FNBP1: variants seen among roughly 807,000 people sequenced by gnomAD.
The protein encoded by FNBP1 is formin-binding protein 1.
Under a neutral mutation model 90.6 loss-of-function variants are expected in FNBP1, and 26 were observed. That is an observed-to-expected ratio of 0.29 (90% CI 0.21 to 0.40). The LOEUF (loss-of-function observed/expected upper bound fraction) is 0.40. FNBP1 is among the 10% of genes least tolerant of loss of function. FNBP1 has a pLI of 1.00. For synonymous variants in FNBP1, 260 were observed against 265.2 expected, an observed-to-expected ratio of 0.98 and a Z score of 0.19; for missense variants, 635 against 768.0, an observed-to-expected ratio of 0.83 and a Z score of 2.05.
chr9:129,927,513 A>G (rs1437049479), intron 7 of FNBP1, among the ~76,000 whole-genome samples, 172 bp from the exon 8 acceptor site: 2 of 152,218 alleles, frequency 1.3e-5, no homozygotes, highest in African/African-American at 4.8e-5. Flanking sequence ...CATTTATTTT[A>G]TAAATTGCTA....
chr9:130,053,111 C>T, the FNBP1 span, among the ~76,000 whole-genome samples: 2 of 151,546 alleles, frequency 1.3e-5, no homozygotes, highest in Non-Finnish European at 2.9e-5. Context: ...AGCTAGACTC[C>T]GTCTCAAAAA....
chr9:129,957,536 C>A lies in FNBP1; in HGVS notation c.409-72G>T, dbSNP rs1194132502. On this transcript the variant is annotated intron_variant, in intron 5 of 16. Transcript: ENST00000446176. This position sits in a 1 kb window ranked among gnomAD's most constrained non-coding sequence, Gnocchi z 4.3. ...AAGATGTAATTTTATCTAAAGCTCC[C>A]AAAGAGCATTGTTCTTTTTCTTTTT... 5 of 1,154,834 alleles carry A rather than the reference C, an allele frequency of 4.3e-6. No individual in the cohort carries two copies. The highest frequency in any genetic ancestry group is 4.1e-5 in the South Asian group (3 of 73,800). The allele number at this position is 1,154,834 out of a possible 1,614,324, so 71.5% of individuals were successfully genotyped here.
intron 1 of FNBP1, among the ~76,000 whole-genome samples, chr9:130,003,378 C>A (rs35286976): frequency 0.15 from 22,887 of 151,742 alleles, 2,217 homozygotes; most frequent in Non-Finnish European, 0.22. Flanking sequence ...CTGAAGCCAG[C>A]GGATCACTTT....
chr9:130,034,312 CA>C (rs3055753), intron 1 of FNBP1, among the ~76,000 whole-genome samples: 93,642 of 118,260 alleles, frequency 0.79, 37,037 homozygotes, highest in Non-Finnish European at 0.88. Context: ...GACTCCATCT[CA>C]AAAAAAAAAA....
In FNBP1 at chr9:129,889,849, C is replaced by T. The variant is rs2034956939; in HGVS notation, c.*690G>A. The T allele has an allele frequency of 8.6e-6, 2 of 233,160 alleles. No homozygotes were observed. Among genetic ancestry groups the T allele is most frequent in the Non-Finnish European group, 1.7e-5 (2 of 117,982 alleles). 14.4% of individuals were successfully genotyped at this position (233,160 alleles called of 1,614,324 possible). A position where few individuals can be genotyped will look rare whatever the true frequency, so the allele number is the denominator to read the frequency against. ...CCCCAGGCCACTGAAAACAGGGCGT[C>T]AAACCAAAATGTGTGTATGCGCACG... is the stretch of plus-strand genomic sequence containing the variant. On this transcript the variant is annotated 3_prime_UTR_variant, in exon 17 of 17. Transcript: ENST00000446176.
At chr9:129,951,336 T>C (rs10739767) in intron 6 of FNBP1, among the ~76,000 whole-genome samples, 137,106 of 151,978 alleles carry the variant, frequency 0.9, 61,972 homozygotes, top group Non-Finnish European at 0.92. Context: ...TCCAGCACTC[T>C]TCCTGCCTCA....
chr9:129,926,781 GA>G (rs1231322035), intron 8 of FNBP1, among the ~76,000 whole-genome samples: 2 of 151,824 alleles, frequency 1.3e-5, no homozygotes, highest in Non-Finnish European at 2.9e-5. Flanking sequence ...AGCTACTCAG[GA>G]GGCTGAGGCA....
rs576015094 is a variant in FNBP1, at chr9:129,925,589, C to CTTTTTT, written c.790-438_790-433dup. 2.2e-3 allele frequency among the ~76,000 whole-genome samples: 149 copies of CTTTTTT among 67,120 alleles called. 5 individuals carry two copies. The highest frequency in any genetic ancestry group is 4.7e-3 in the African/African-American group (81 of 17,358). 44.0% of individuals were successfully genotyped at this position (67,120 alleles called of 152,430 possible). A position where few individuals can be genotyped will look rare whatever the true frequency, so the allele number is the denominator to read the frequency against. ...TTGATAATAACTTTTTTCCTAGTAGCTTTTTTTTTTTTTTTTTTTTTTTTG... is the reference window on the plus strand; with the variant it reads ...TTGATAATAACTTTTTTCCTAGTAGCTTTTTTTTTTTTTTTTTTTTTTTTTTTTTTG... On this transcript the variant is annotated intron_variant, in intron 8 of 16. Transcript: ENST00000446176.
intron 6 of FNBP1, chr9:129,933,454 C>T (rs1287126874): frequency 6.6e-6 from 1 of 152,134 alleles, no homozygotes; most frequent in African/African-American, 2.4e-5. Context: ...CTGCATAATT[C>T]CTTCTGTAAG....
chr9:129,923,126 G>T (rs896383318), intron 10 of FNBP1, among the ~76,000 whole-genome samples: 6 of 152,060 alleles, frequency 3.9e-5, no homozygotes, highest in Non-Finnish European at 8.8e-5. Flanking sequence ...GCCTCCTAAA[G>T]TGCTAGGATT....
intron 4 of FNBP1, among the ~76,000 whole-genome samples, chr9:129,973,620 C>G (rs1397113578): frequency 6.6e-6 from 1 of 151,662 alleles, no homozygotes; most frequent in Non-Finnish European, 1.5e-5. Flanking sequence ...CCTGCCTCAG[C>G]CTCCCAAGTA....
intron 11 of FNBP1, chr9:129,910,252 G>A (rs1228510450): frequency 1.1e-5 from 5 of 454,658 alleles, no homozygotes; most frequent in Admixed American, 2.4e-5. Flanking sequence ...GGAGGCCGAG[G>A]TGGGTGGATC....
intron 4 of FNBP1, among the ~76,000 whole-genome samples, chr9:129,961,595 T>A (rs1429545238): frequency 6.6e-6 from 1 of 151,908 alleles, no homozygotes; most frequent in Non-Finnish European, 1.5e-5. Flanking sequence ...TGAGACGGAG[T>A]CTTGTTCCGT....
At chr9:130,049,965 T>A in the FNBP1 span, among the ~76,000 whole-genome samples, 4 of 152,122 alleles carry the variant, frequency 2.6e-5, no homozygotes, top group Non-Finnish European at 5.9e-5. Context: ...CAGCCTTGAA[T>A]TCCTGGATTC....
chr9:129,921,614 T>C (rs61314466), intron 10 of FNBP1, among the ~76,000 whole-genome samples: 12,605 of 152,154 alleles, frequency 0.083, 554 homozygotes, highest in East Asian at 0.098. Context: ...GGTTTCACCA[T>C]GTTGGTCAGG....
chr9:129,908,907 C>A lies in FNBP1; in HGVS notation c.1278G>T (p.Gln426His). The change falls in exon 12 of 17, where the codon CAG becomes CAT. Residue 426 changes from glutamine to histidine, a missense_variant. Coordinates refer to ENST00000446176, the MANE Select transcript of FNBP1 (RefSeq NM_015033.3). ...CACTATACCTTTGATCCATCTCCTT[C>A]TGAATTTCTTTATTTAACTCATCGA... ...QKVDELNKEI[Q>H]KEMDQRDAIT... 1 of 1,610,984 alleles carries A rather than the reference C, an allele frequency of 6.2e-7. No individual in the cohort carries two copies. Among genetic ancestry groups the A allele is most frequent in the Non-Finnish European group, 8.5e-7 (1 of 1,177,676 alleles).
chr9:129,908,194 G>GTC (rs1205833114), intron 12 of FNBP1, among the ~76,000 whole-genome samples: 41 of 103,598 alleles, frequency 4.0e-4, no homozygotes, highest in Middle Eastern at 5.1e-3. Context: ...GCCAAGGCTG[G>GTC]TCTCTCTCTC....
intron 6 of FNBP1, among the ~76,000 whole-genome samples, chr9:129,951,138 G>A (rs2046108235): frequency 6.6e-6 from 1 of 151,786 alleles, no homozygotes; most frequent in Non-Finnish European, 1.5e-5. Context: ...TGTATTTTTT[G>A]TAGAGATGAA....
intron 6 of FNBP1, among the ~76,000 whole-genome samples, chr9:129,945,267 T>C (rs60155447): frequency 0.088 from 13,368 of 152,262 alleles, 732 homozygotes; most frequent in African/African-American, 0.16. Context: ...AATAAAATTC[T>C]TTATACTTTT....
Sources: gnomAD v4.1 joint callset for allele counts (sites outside exome capture counted in the v4.1 genomes callset) on GRCh38, gnomAD v4.1.1 for gene constraint, Gnocchi (gnomAD v3.1) non-coding constraint, MANE v1.5 for transcripts, NCBI Gene and HGNC (gene_info 2026-07-23, HGNC 2026-07-21) for gene names.